Variants in PTPRZ1 observed in about 807,000 individuals in gnomAD.
PTPRZ1 encodes the protein protein tyrosine phosphatase receptor type Z1, also known as receptor-type tyrosine-protein phosphatase zeta.
In PTPRZ1, 82 loss-of-function variants were observed where a neutral mutation model predicts 214.1. The observed-to-expected ratio is 0.38, with a 90% CI of 0.32 to 0.46. The LOEUF (loss-of-function observed/expected upper bound fraction) is 0.46, where lower values mean the gene tolerates loss of function less well. Among genes scored for constraint, PTPRZ1 ranks in the 20% least tolerant of loss-of-function variants. The probability of loss-of-function intolerance (pLI) is 1.00; values close to 1 mark genes in which losing one functional copy is unlikely to be tolerated. For missense variants in PTPRZ1, 2,603 were observed against 2,748.7 expected (o/e 0.95, Z 1.19); for synonymous variants, 945 against 987.9 (o/e 0.96, Z 0.81).
intron 1 of PTPRZ1, among the ~76,000 whole-genome samples, chr7:121,888,520 C>T (rs1037280505): frequency 2.0e-5 from 3 of 151,802 alleles, no homozygotes; most frequent in African/African-American, 4.8e-5. Flanking sequence ...ATAGGAAAAT[C>T]GAATTCAGAA....
intron 1 of PTPRZ1, among the ~76,000 whole-genome samples, chr7:121,886,543 C>T (rs186722048): frequency 2.6e-4 from 40 of 152,054 alleles, no homozygotes; most frequent in Non-Finnish European, 4.7e-4. Flanking sequence ...AGGAAATCTT[C>T]ACCAGCCTAC....
chr7:121,953,128 C>A (rs1009500260), intron 2 of PTPRZ1, among the ~76,000 whole-genome samples: 2 of 152,186 alleles, frequency 1.3e-5, no homozygotes, highest in Admixed American at 6.5e-5. Context: ...AATTTGCTAT[C>A]TTTAAATAGG....
intron 8 of PTPRZ1, among the ~76,000 whole-genome samples, chr7:121,992,017 T>G (rs142003095): frequency 5.1e-4 from 78 of 152,308 alleles, no homozygotes; most frequent in Non-Finnish European, 1.1e-3. Context: ...GTGGACTTAT[T>G]AGCATGTATT....
chr7:121,879,136 T>A (rs1032344035), intron 1 of PTPRZ1, among the ~76,000 whole-genome samples: 1 of 152,198 alleles, frequency 6.6e-6, no homozygotes, highest in East Asian at 1.9e-4. Context: ...ATTACATAGA[T>A]CCAGACACTA....
intron 6 of PTPRZ1, among the ~76,000 whole-genome samples, chr7:121,978,184 A>C (rs935169224): frequency 6.6e-6 from 1 of 152,168 alleles, no homozygotes; most frequent in Non-Finnish European, 1.5e-5. Flanking sequence ...GTGACTACAT[A>C]TTCTCTCCCT....
At chr7:122,042,142 T>A (rs745785162) in intron 21 of PTPRZ1, among the ~76,000 whole-genome samples, 1 of 152,186 alleles carries the variant, frequency 6.6e-6, no homozygotes, top group Non-Finnish European at 1.5e-5. Flanking sequence ...GAAAGCTTTA[T>A]CAAATTCTTT....
At chr7:121,873,946 G>A (rs1030238046) in intron 1 of PTPRZ1, among the ~76,000 whole-genome samples, 3 of 152,030 alleles carry the variant, frequency 2.0e-5, no homozygotes, top group African/African-American at 4.8e-5. Context: ...GTGGTGCGGG[G>A]CTGTGTACTG....
intron 4 of PTPRZ1, among the ~76,000 whole-genome samples, chr7:121,973,584 C>T (rs554471995): frequency 3.3e-4 from 50 of 152,172 alleles, no homozygotes; most frequent in African/African-American, 1.1e-3. Context: ...AGTAGCTGCA[C>T]CTGCCTTATA....
intron 1 of PTPRZ1, among the ~76,000 whole-genome samples, chr7:121,906,951 ATATTATG>A (rs141130345): frequency 0.17 from 25,732 of 152,004 alleles, 2,420 homozygotes; most frequent in East Asian, 0.29. Flanking sequence ...GTATACTTAT[ATATTATG>A]TTTGCAGATA....
chr7:122,000,586 CT>C (rs1375256469), intron 10 of PTPRZ1, among the ~76,000 whole-genome samples: 1 of 130,844 alleles, frequency 7.6e-6, no homozygotes, highest in Admixed American at 8.2e-5. Flanking sequence ...TTGCTTTTTG[CT>C]TTTGTTAAAA....
chr7:121,916,222 C>T (rs978404624), intron 1 of PTPRZ1, among the ~76,000 whole-genome samples: 7 of 145,690 alleles, frequency 4.8e-5, no homozygotes, highest in Non-Finnish European at 8.9e-5. Flanking sequence ...TGCAGTGAGC[C>T]GAGATCGTGC....
At chr7:122,059,574 A>T (rs1388746365) in intron 28 of PTPRZ1, 179 bp from the exon 29 acceptor site, 2 of 672,056 alleles carry the variant, frequency 3.0e-6, no homozygotes, top group Non-Finnish European at 4.9e-6. Context: ...TATCATGAAC[A>T]CTTGGCAATA....
intron 1 of PTPRZ1, among the ~76,000 whole-genome samples, chr7:121,897,237 T>G (rs1378060824): frequency 6.6e-6 from 1 of 152,218 alleles, no homozygotes; most frequent in African/African-American, 2.4e-5. Context: ...CCAGGTCTAC[T>G]GATTTCAAAG....
intron 13 of PTPRZ1, among the ~76,000 whole-genome samples, chr7:122,020,159 T>C (rs1291369367): frequency 6.6e-6 from 1 of 152,204 alleles, no homozygotes; most frequent in Non-Finnish European, 1.5e-5. Context: ...TCTCAAAATA[T>C]ATTCTCGTGT....
At chr7:121,991,847 C>T (rs972033924) in intron 8 of PTPRZ1, among the ~76,000 whole-genome samples, 2 of 152,144 alleles carry the variant, frequency 1.3e-5, no homozygotes, top group Non-Finnish European at 2.9e-5. Flanking sequence ...GCATTTGTGT[C>T]AATGTTTACA....
At chr7:122,059,502 A>G (rs1286484856) in intron 28 of PTPRZ1, 4 of 347,372 alleles carry the variant, frequency 1.2e-5, no homozygotes, top group Admixed American at 4.3e-5. Flanking sequence ...AACTCCTTTC[A>G]TAGTATACAA....
chr7:122,053,184 C>A (rs901567106), intron 25 of PTPRZ1, among the ~76,000 whole-genome samples: 7 of 152,064 alleles, frequency 4.6e-5, no homozygotes, highest in African/African-American at 1.4e-4. Context: ...GACCAATGCC[C>A]CCACTGAGTC....
At chr7:121,887,693 C>T (rs1327255248) in intron 1 of PTPRZ1, among the ~76,000 whole-genome samples, 2 of 152,044 alleles carry the variant, frequency 1.3e-5, no homozygotes, top group Non-Finnish European at 2.9e-5. Flanking sequence ...GCCAGAAACA[C>T]GAGAGAAAGA....
chr7:122,051,343 G>A, intron 23 of PTPRZ1, 85 bp from the exon 24 acceptor site: 2 of 832,748 alleles, frequency 2.4e-6, no homozygotes, highest in Non-Finnish European at 4.0e-6. Context: ...TGGTGTGTGT[G>A]TGTGTGTCTG....
Sources: gnomAD v4.1 joint callset for allele counts (sites outside exome capture counted in the v4.1 genomes callset) on GRCh38, gnomAD v4.1.1 for gene constraint, MANE v1.5 for transcripts, NCBI Gene and HGNC (gene_info 2026-07-23, HGNC 2026-07-21) for gene names.